The following SMCHD1 variants were observed in gnomAD, a reference collection of about 807,000 sequenced individuals.
SMCHD1 encodes the protein structural maintenance of chromosomes flexible hinge domain-containing protein 1.
A neutral mutation model predicts 254.7 loss-of-function variants in SMCHD1; 78 were observed. The observed-to-expected ratio is 0.31, with a 90% CI of 0.26 to 0.37. SMCHD1 has a LOEUF of 0.37. Ranked by LOEUF, SMCHD1 falls within the 10% of genes least tolerant of loss-of-function variation. SMCHD1 has a pLI of 1.00. For synonymous variants in SMCHD1, 766 were observed against 794.9 expected, an observed-to-expected ratio of 0.96 and a Z score of 0.61; for missense variants, 1,840 against 2,408.1, an observed-to-expected ratio of 0.76 and a Z score of 4.94.
At chr18:2,768,954 T>C (rs2075926552) in intron 37 of SMCHD1, among the ~76,000 whole-genome samples, 1 of 152,110 alleles carries the variant, frequency 6.6e-6, no homozygotes, top group South Asian at 2.1e-4. Context: ...AATTTATAAT[T>C]TTATTTCATG....
At chr18:2,715,924 C>T (rs183024125) in intron 17 of SMCHD1, among the ~76,000 whole-genome samples, 2 of 152,222 alleles carry the variant, frequency 1.3e-5, no homozygotes, top group African/African-American at 2.4e-5. Context: ...TAGGATCCAT[C>T]GTTAGAGAAT....
At chr18:2,686,452 A>T (rs2074054254) in intron 5 of SMCHD1, among the ~76,000 whole-genome samples, 1 of 152,196 alleles carries the variant, frequency 6.6e-6, no homozygotes, top group African/African-American at 2.4e-5. Context: ...TATGTCACTC[A>T]ATTTTCTACC....
In SMCHD1 at chr18:2,675,145, A is replaced by G. The variant is rs2073711626; in HGVS notation, c.638+1000A>G. Among the ~76,000 whole-genome samples the G allele has an allele frequency of 2.0e-5, 3 of 152,180 alleles. 1 individual carries two copies. The highest frequency in any genetic ancestry group is 7.2e-5 in the African/African-American group (3 of 41,430). On this transcript the variant is annotated intron_variant, in intron 5 of 47. Transcript: ENST00000320876. ...TATCCCATGAGGTTTTATGACAACT[A>G]AGTGAGTTAGTACATGTAAAATCCT...
At chr18:2,698,091 A>T (rs781104734) in intron 10 of SMCHD1, 50 bp downstream of exon 10, 4 of 1,414,610 alleles carry the variant, frequency 2.8e-6, no homozygotes, top group Non-Finnish European at 3.9e-6. Flanking sequence ...GTAATTTAGG[A>T]CAGTGATTTG....
At chr18:2,735,938 A>G (rs537423228) in intron 25 of SMCHD1, among the ~76,000 whole-genome samples, 151 of 152,330 alleles carry the variant, frequency 9.9e-4, no homozygotes, top group Non-Finnish European at 1.9e-3. Flanking sequence ...AAAGAGCTCA[A>G]ATAGCCAAAG....
chr18:2,702,626 G>A (rs1260751148), intron 12 of SMCHD1, among the ~76,000 whole-genome samples: 2 of 152,194 alleles, frequency 1.3e-5, no homozygotes, highest in Admixed American at 1.3e-4. Context: ...AGTTATAGGA[G>A]TAAGTGTGGC....
At chr18:2,663,218 A>G (rs1035044690) in intron 1 of SMCHD1, among the ~76,000 whole-genome samples, 3 of 151,548 alleles carry the variant, frequency 2.0e-5, no homozygotes, top group Non-Finnish European at 4.4e-5. Flanking sequence ...GGATCGTCCA[A>G]CCTCAGCCTC....
intron 45 of SMCHD1, among the ~76,000 whole-genome samples, chr18:2,786,336 A>G (rs2076240332): frequency 6.6e-6 from 1 of 152,154 alleles, no homozygotes; most frequent in Non-Finnish European, 1.5e-5. Context: ...AAAAATGTGC[A>G]TATTTTGTGA....
intron 17 of SMCHD1, among the ~76,000 whole-genome samples, chr18:2,716,880 T>C (rs2074811627): frequency 6.6e-6 from 1 of 152,196 alleles, no homozygotes; most frequent in East Asian, 1.9e-4. Flanking sequence ...CTGCAAAACG[T>C]CCTGCCAGGG....
chr18:2,791,574 G>A (rs926216788), intron 45 of SMCHD1, among the ~76,000 whole-genome samples: 4 of 152,144 alleles, frequency 2.6e-5, no homozygotes, highest in African/African-American at 7.2e-5. Flanking sequence ...AGCAAAATAC[G>A]TGAAAGAATA....
intron 28 of SMCHD1, among the ~76,000 whole-genome samples, chr18:2,742,119 A>C (rs930283091): frequency 6.6e-5 from 10 of 152,174 alleles, no homozygotes; most frequent in African/African-American, 2.4e-4. Context: ...ACCTATCAGC[A>C]TGTTACATTC....
At chr18:2,700,428 A>G in intron 10 of SMCHD1, 111 bp from the exon 11 acceptor site, 1 of 1,214,930 alleles carries the variant, frequency 8.2e-7, no homozygotes, top group Non-Finnish European at 1.1e-6. Flanking sequence ...CAAACAGTAT[A>G]AAACTACCTT....
intron 3 of SMCHD1, among the ~76,000 whole-genome samples, chr18:2,669,012 C>G (rs1398102041): frequency 6.6e-6 from 1 of 150,530 alleles, no homozygotes; most frequent in Non-Finnish European, 1.5e-5. Flanking sequence ...ATGACTAGGA[C>G]TACAAGTGCA....
chr18:2,748,455 G>T (rs1225899850), intron 30 of SMCHD1, among the ~76,000 whole-genome samples: 1 of 140,852 alleles, frequency 7.1e-6, no homozygotes, highest in Admixed American at 7.5e-5. Flanking sequence ...GTGCAGTGGC[G>T]TGATCTTGGC....
chr18:2,736,701 A>C (rs1397881407), intron 25 of SMCHD1, among the ~76,000 whole-genome samples: 1 of 152,206 alleles, frequency 6.6e-6, no homozygotes, highest in East Asian at 1.9e-4. Flanking sequence ...GCAAAGAGAT[A>C]CCATCTCACA....
In SMCHD1 at chr18:2,743,694, T is replaced by C. The variant is rs2075393777; in HGVS notation, c.3634-67T>C. 5.7e-6 allele frequency: 7 copies of C among 1,221,726 alleles called. No homozygotes were observed. In the South Asian group the frequency reaches 1.3e-4, roughly 23 times the overall value. 75.7% of individuals were successfully genotyped at this position (1,221,726 alleles called of 1,614,324 possible). ...ACGCCCATGGGTTAATGACAAAACA[T>C]TTTATTTTGTTTTTCTGAACACTAA... On this transcript the variant is annotated intron_variant, in intron 28 of 47. Transcript: ENST00000320876.
At chr18:2,691,010 T>C (rs930038254) in intron 7 of SMCHD1, among the ~76,000 whole-genome samples, 1 of 152,174 alleles carries the variant, frequency 6.6e-6, no homozygotes, top group Non-Finnish European at 1.5e-5. Flanking sequence ...TGGATTTTTT[T>C]TTTCCATTTT....
chr18:2,686,807 C>A (rs1211767371), intron 5 of SMCHD1, among the ~76,000 whole-genome samples: 1 of 152,060 alleles, frequency 6.6e-6, no homozygotes, highest in Non-Finnish European at 1.5e-5. Context: ...TCTGGTATTA[C>A]AGTGTCCTAC....
At chr18:2,687,590 C>G (rs1416011256) in intron 5 of SMCHD1, among the ~76,000 whole-genome samples, 2 of 152,018 alleles carry the variant, frequency 1.3e-5, no homozygotes, top group African/African-American at 4.8e-5. Context: ...TCTGTGAAGC[C>G]ATGTCTTTTA....
Sources: gnomAD v4.1 joint callset for allele counts (sites outside exome capture counted in the v4.1 genomes callset) on GRCh38, gnomAD v4.1.1 for gene constraint, MANE v1.5 for transcripts, NCBI Gene and HGNC (gene_info 2026-07-23, HGNC 2026-07-21) for gene names.